AKT3: variants seen among roughly 807,000 people sequenced by gnomAD.
AKT3 encodes the protein AKT serine/threonine kinase 3.
Under a neutral mutation model 65.3 loss-of-function variants are expected in AKT3, and 15 were observed. That is an observed-to-expected ratio of 0.23 (90% CI 0.15 to 0.35). The LOEUF (loss-of-function observed/expected upper bound fraction) is 0.35, where lower values mean the gene tolerates loss of function less well. Ranked by LOEUF, AKT3 falls within the 10% of genes least tolerant of loss-of-function variation. The pLI is 1.00. For missense variants in AKT3, 243 were observed against 576.5 expected (o/e 0.42, Z 5.92); for synonymous variants, 206 against 183.8 (o/e 1.12, Z -0.98).
intron 2 of AKT3, among the ~76,000 whole-genome samples, chr1:243,714,493 T>G (rs1027328710): frequency 4.6e-5 from 7 of 152,186 alleles, no homozygotes; most frequent in Admixed American, 4.6e-4. Context: ...ATAAGAATAA[T>G]TTTTCAGAAA....
At chr1:243,557,975 T>A (rs1303786227) in intron 10 of AKT3, among the ~76,000 whole-genome samples, 2 of 152,074 alleles carry the variant, frequency 1.3e-5, no homozygotes, top group East Asian at 1.9e-4. Flanking sequence ...AGTAGGACTT[T>A]GTGCAAAGAC....
intron 2 of AKT3, among the ~76,000 whole-genome samples, chr1:243,728,289 C>G (rs1429621943): frequency 6.6e-6 from 1 of 152,214 alleles, no homozygotes; most frequent in African/African-American, 2.4e-5. Context: ...CACTCAACCT[C>G]AACCAAACTT....
intron 6 of AKT3, among the ~76,000 whole-genome samples, chr1:243,635,047 C>T (rs978420813): frequency 6.6e-6 from 1 of 151,956 alleles, no homozygotes; most frequent in African/African-American, 2.4e-5. Flanking sequence ...AGGGGACGTT[C>T]TCCAGGATAG....
At chr1:243,798,446 T>C (rs1417098330) in intron 2 of AKT3, among the ~76,000 whole-genome samples, 2 of 141,604 alleles carry the variant, frequency 1.4e-5, no homozygotes, top group Non-Finnish European at 3.1e-5. Context: ...CTCGCTATGT[T>C]ACAGGCTGGT....
chr1:243,693,243 GATATATATATATATATATAT>G (rs1172388560), intron 3 of AKT3, among the ~76,000 whole-genome samples: 477 of 45,414 alleles, frequency 0.011, 22 homozygotes, highest in East Asian at 0.074. Context: ...GCTACAATTT[GATATATATATATATATATAT>G]ATATATATAT....
rs77012754 is a variant in AKT3, at chr1:243,791,046, T to C, written c.46+52079A>G. Among the ~76,000 whole-genome samples the C allele has an allele frequency of 8.7e-3, 1,328 of 152,242 alleles. 15 individuals carry two copies. The highest frequency in any genetic ancestry group is 0.03 in the African/African-American group (1,259 of 41,550). On this transcript the variant is annotated intron_variant, in intron 2 of 13. Coordinates refer to ENST00000673466, the MANE Select transcript of AKT3 (RefSeq NM_005465.7). ...GACACAGAGGCACAACATAAGCACA[T>C]GCTCTTGGAAAAATGGCACTGATAG... is the stretch of plus-strand genomic sequence containing the variant.
rs201189866 is a variant in AKT3 at position 243,645,989 on chromosome 1, C to T, written c.333G>A (p.Arg111=). The change falls in exon 5 of 14, where the codon AGG becomes AGA. Residue 111 remains arginine (R), a synonymous_variant. Coordinates refer to ENST00000673466, the MANE Select transcript of AKT3 (RefSeq NM_005465.7). The part of the protein sequence containing the change: ...AIQAVADRLQ[R]QEEERMNCSP... ...TACAATTCATTCTCTCCTCTTCTTG[C>T]CTCTGCAGTCTGTCTGCTACAGCCT... The T allele has an allele frequency of 6.2e-6, 10 of 1,613,124 alleles. No homozygotes were observed. The East Asian group carries it at 8.9e-5, about 14-fold the overall frequency.
chr1:243,745,021 G>A (rs1044342394), intron 2 of AKT3, among the ~76,000 whole-genome samples: 1 of 152,000 alleles, frequency 6.6e-6, no homozygotes, highest in Non-Finnish European at 1.5e-5. Flanking sequence ...TCTTACTGAA[G>A]CTCTCAGTTC....
At chr1:243,580,169 T>C (rs1394880639) in intron 8 of AKT3, among the ~76,000 whole-genome samples, 1 of 152,136 alleles carries the variant, frequency 6.6e-6, no homozygotes, top group Non-Finnish European at 1.5e-5. Flanking sequence ...ACTGGAATCA[T>C]GACGTACACT....
rs1040746395 is a variant in AKT3, at chr1:243,514,196, G to C, written c.1252-1770C>G. On this transcript the variant is annotated intron_variant, in intron 12 of 13. Coordinates refer to ENST00000673466, the MANE Select transcript of AKT3 (RefSeq NM_005465.7). ...CCTGTGGCTGGAATCGGCTTCTCTT[G>C]GGCACTAGGAGTAGGTTTGCTCACC... Among the ~76,000 whole-genome samples the C allele has an allele frequency of 9.9e-5, 15 of 152,106 alleles. No homozygotes were observed. In the East Asian group the frequency reaches 1.2e-3, roughly 12 times the overall value.
chr1:243,755,235 ATTTTT>A (rs71983026), intron 2 of AKT3, among the ~76,000 whole-genome samples: 1 of 136,758 alleles, frequency 7.3e-6, no homozygotes. Flanking sequence ...CGCCTGGTTA[ATTTTT>A]TTTTTTTTTT....
intron 5 of AKT3, among the ~76,000 whole-genome samples, chr1:243,640,386 G>C (rs1680283740): frequency 6.6e-6 from 1 of 152,170 alleles, no homozygotes; most frequent in South Asian, 2.1e-4. Context: ...TCCCATGAAG[G>C]GGTGGAGTCA....
intron 2 of AKT3, among the ~76,000 whole-genome samples, chr1:243,731,593 CAA>C (rs1233576726): frequency 6.6e-6 from 1 of 152,134 alleles, no homozygotes; most frequent in South Asian, 2.1e-4. Context: ...CCTCTTTATC[CAA>C]AAAGAGTGTT....
intron 2 of AKT3, among the ~76,000 whole-genome samples, chr1:243,718,663 CG>C (rs936422805): frequency 6.6e-6 from 1 of 151,118 alleles, no homozygotes; most frequent in African/African-American, 2.4e-5. Context: ...TCAGTAGAGA[CG>C]GGGTTTCACC....
intron 2 of AKT3, among the ~76,000 whole-genome samples, chr1:243,712,575 A>G (rs1220051195): frequency 6.6e-6 from 1 of 152,050 alleles, no homozygotes; most frequent in Non-Finnish European, 1.5e-5. Flanking sequence ...TTAAGTCCAC[A>G]TTGGGCGGAA....
chr1:243,797,777 C>G (rs1383834958), intron 2 of AKT3, among the ~76,000 whole-genome samples: 3 of 151,128 alleles, frequency 2.0e-5, no homozygotes, highest in Non-Finnish European at 1.5e-5. Flanking sequence ...AATGATTAAG[C>G]ATGTATAACT....
chr1:243,530,057 G>A (rs1671424183), intron 12 of AKT3, among the ~76,000 whole-genome samples: 2 of 152,092 alleles, frequency 1.3e-5, no homozygotes, highest in African/African-American at 2.4e-5. Context: ...TTCTTTTTGT[G>A]GCTATTGTGA....
At chr1:243,582,214 G>A (rs1358963580) in intron 8 of AKT3, among the ~76,000 whole-genome samples, 1 of 151,838 alleles carries the variant, frequency 6.6e-6, no homozygotes, top group Non-Finnish European at 1.5e-5. Context: ...TTGTTAGGGA[G>A]ACAGATATCC....
intron 2 of AKT3, among the ~76,000 whole-genome samples, chr1:243,744,573 A>C (rs1372099354): frequency 6.6e-6 from 1 of 151,762 alleles, no homozygotes; most frequent in Non-Finnish European, 1.5e-5. Flanking sequence ...CCCCGTCTCT[A>C]CTAAAAATAC....
Sources: gnomAD v4.1 joint callset for allele counts (sites outside exome capture counted in the v4.1 genomes callset) on GRCh38, gnomAD v4.1.1 for gene constraint, MANE v1.5 for transcripts, NCBI Gene and HGNC (gene_info 2026-07-23, HGNC 2026-07-21) for gene names.